DIS3L2: variants seen among roughly 807,000 people sequenced by gnomAD.
DIS3L2 encodes the protein DIS3-like exonuclease 2.
A neutral mutation model predicts 97.5 loss-of-function variants in DIS3L2; 34 were observed. The ratio of observed to expected loss-of-function variants is 0.35; its 90% CI spans 0.27 to 0.46. The LOEUF is 0.46. Ranked by LOEUF, DIS3L2 falls within the 20% of genes least tolerant of loss-of-function variation. The pLI is 1.00. For synonymous variants in DIS3L2, 435 were observed against 445.2 expected, an observed-to-expected ratio of 0.98 and a Z score of 0.29; for missense variants, 1,038 against 1,146.0, an observed-to-expected ratio of 0.91 and a Z score of 1.36.
intron 19 of DIS3L2, chr2:232,335,182 G>A (rs1234130182): frequency 5.3e-6 from 1 of 189,456 alleles, no homozygotes; most frequent in African/African-American, 2.4e-5. Context: ...CTGTCCTAAT[G>A]CTGCCTTAGG....
intron 6 of DIS3L2, among the ~76,000 whole-genome samples, chr2:232,124,794 C>T (rs1698008393): frequency 6.6e-6 from 1 of 151,836 alleles, no homozygotes. Flanking sequence ...TACTGAAAGC[C>T]AAAGGCAAAG....
At chr2:232,060,907 T>G (rs1431422651) in intron 5 of DIS3L2, among the ~76,000 whole-genome samples, 1 of 152,232 alleles carries the variant, frequency 6.6e-6, no homozygotes, top group East Asian at 1.9e-4. Flanking sequence ...TATTTAATTT[T>G]ATTTGTAGCT....
chr2:232,185,789 G>A (rs1455054629), intron 9 of DIS3L2, among the ~76,000 whole-genome samples: 1 of 150,956 alleles, frequency 6.6e-6, no homozygotes, highest in Non-Finnish European at 1.5e-5. Context: ...GGTAGAGGTT[G>A]CAGTGAGCCA....
chr2:232,336,736 C>T lies in DIS3L2; in HGVS notation c.*106C>T. On this transcript the variant is annotated 3_prime_UTR_variant, in exon 21 of 21. Transcript: ENST00000325385. ...GTTTTTAATTTGGTTTTTAACAACT[C>T]AGGGGTTTGTTTTTATTTTTATTTA... 1.3e-6 allele frequency: 2 copies of T among 1,493,096 alleles called. No homozygotes were observed. The highest frequency in any genetic ancestry group is 1.8e-6 in the Non-Finnish European group (2 of 1,132,236). The allele number at this position is 1,493,096 out of a possible 1,614,324, so 92.5% of individuals were successfully genotyped here.
chr2:232,005,746 G>C (rs1439402973), intron 1 of DIS3L2, among the ~76,000 whole-genome samples: 1 of 151,948 alleles, frequency 6.6e-6, no homozygotes, highest in Non-Finnish European at 1.5e-5. Context: ...CATTTTTCTG[G>C]CTTTGATGGC....
chr2:232,027,941 GA>G (rs1694705294), intron 4 of DIS3L2, among the ~76,000 whole-genome samples: 1 of 152,138 alleles, frequency 6.6e-6, no homozygotes, highest in Non-Finnish European at 1.5e-5. Flanking sequence ...TGATCAGATG[GA>G]AAAACCTGTC....
At chr2:232,335,953 A>T (rs1414053920) in intron 20 of DIS3L2, 79 bp downstream of exon 20, 38 of 1,543,384 alleles carry the variant, frequency 2.5e-5, no homozygotes, top group Non-Finnish European at 3.1e-5. Context: ...TCATTCCTTC[A>T]TCTGTGTCCC....
chr2:231,989,609 G>A (rs1212579799), intron 1 of DIS3L2, among the ~76,000 whole-genome samples: 3 of 152,120 alleles, frequency 2.0e-5, no homozygotes, highest in African/African-American at 4.8e-5. Context: ...GGCTGAGGCC[G>A]GATCGCTTGA....
Position 232,241,163 on chromosome 2 carries a change from C to T in DIS3L2, c.1317+2518C>T, listed in dbSNP as rs778953103. Among the ~76,000 whole-genome samples, 32 of 152,246 alleles carry T rather than the reference C, an allele frequency of 2.1e-4. 1 individual carries two copies. Among genetic ancestry groups the T allele is most frequent in the Non-Finnish European group, 3.1e-4 (21 of 68,044 alleles). ...ACCGCTGCTCTGACCTTTCTTCCTA[C>T]TCGGTTTTGTTTCTTAAAGGACTGT... On this transcript the variant is annotated intron_variant, in intron 11 of 20. Coordinates refer to ENST00000325385, the MANE Select transcript of DIS3L2 (RefSeq NM_152383.5).
At chr2:232,171,081 C>T (rs1430360563) in intron 9 of DIS3L2, among the ~76,000 whole-genome samples, 2 of 152,182 alleles carry the variant, frequency 1.3e-5, no homozygotes, top group Non-Finnish European at 2.9e-5. Flanking sequence ...AGTCCTAGTT[C>T]TCCCCAGGGC....
At chr2:232,282,163 AAAAG>A (rs1165431265) in intron 13 of DIS3L2, among the ~76,000 whole-genome samples, 1 of 151,780 alleles carries the variant, frequency 6.6e-6, no homozygotes, top group Non-Finnish European at 1.5e-5. Context: ...AAAAAAAAAA[AAAAG>A]GGAATTCACT....
chr2:231,997,538 G>A lies in DIS3L2; in HGVS notation c.-93-17297G>A, dbSNP rs559116722. 2.8e-3 allele frequency among the ~76,000 whole-genome samples: 425 copies of A among 152,282 alleles called. 1 individual carries two copies. Among genetic ancestry groups the A allele is most frequent in the Non-Finnish European group, 4.6e-3 (314 of 68,016 alleles). On this transcript the variant is annotated intron_variant, in intron 1 of 20. Transcript: ENST00000325385. ...TATTTGAACTTCATTTATTTAGTGC[G>A]TCATTTGTATTCCATGTTAGGGGTA...
intron 5 of DIS3L2, among the ~76,000 whole-genome samples, chr2:232,060,530 C>A (rs901752453): frequency 6.6e-6 from 1 of 152,014 alleles, no homozygotes; most frequent in Non-Finnish European, 1.5e-5. Flanking sequence ...TGTTTTTATG[C>A]CAGTATCATA....
chr2:232,189,650 TTGAG>T (rs1213839196), intron 9 of DIS3L2, among the ~76,000 whole-genome samples: 1 of 152,172 alleles, frequency 6.6e-6, no homozygotes, highest in Non-Finnish European at 1.5e-5. Context: ...ATTATCTTGA[TTGAG>T]TGGTATTTAC....
In DIS3L2 at chr2:232,232,610, T is replaced by A. The variant is rs551949937; in HGVS notation, c.1205-5923T>A. On this transcript the variant is annotated intron_variant, in intron 10 of 20. Transcript: ENST00000325385. ...ATCACTTTTGGTTTAGTGGAGGTGA[T>A]CCCACTTCCTGGGACAGGAAACACA... is the stretch of plus-strand genomic sequence containing the variant. 8.0e-4 allele frequency among the ~76,000 whole-genome samples: 122 copies of A among 152,258 alleles called. 1 individual carries two copies. The highest frequency in any genetic ancestry group is 1.4e-3 in the Non-Finnish European group (97 of 68,004).
intron 13 of DIS3L2, among the ~76,000 whole-genome samples, chr2:232,270,864 CTCT>C (rs1559185101): frequency 4.0e-3 from 83 of 20,788 alleles, no homozygotes; most frequent in African/African-American, 0.014. Flanking sequence ...TTTCTCGTCT[CTCT>C]CTCTCTCTCT....
At chr2:232,338,517 C>T (rs572113827), downstream of DIS3L2, among the ~76,000 whole-genome samples, 2 of 152,072 alleles carry the variant, frequency 1.3e-5, no homozygotes, top group East Asian at 3.9e-4. Flanking sequence ...GCCCACCCCA[C>T]CCCATCTGGG....
intron 1 of DIS3L2, 129 bp from the exon 2 acceptor site, chr2:232,014,706 A>G: frequency 4.3e-6 from 2 of 464,884 alleles, no homozygotes; most frequent in Non-Finnish European, 7.6e-6. Flanking sequence ...TAACTGCCCC[A>G]GAGAATGTGA....
chr2:232,248,744 A>T (rs1334090480), intron 11 of DIS3L2, among the ~76,000 whole-genome samples: 1 of 152,236 alleles, frequency 6.6e-6, no homozygotes, highest in Non-Finnish European at 1.5e-5. Context: ...ATTTTATTGA[A>T]GTAGTCTCTT....
Sources: allele counts gnomAD v4.1 joint callset (sites outside exome capture counted in the v4.1 genomes callset), GRCh38; gene constraint gnomAD v4.1.1; transcripts MANE v1.5; gene names NCBI Gene and HGNC (gene_info 2026-07-23, HGNC 2026-07-21).